The following KANSL1 variants were observed in gnomAD, a reference collection of about 807,000 sequenced individuals.
The protein encoded by KANSL1 is KAT8 regulatory NSL complex subunit 1, also known as MLL1/MLL complex subunit KANSL1.
In KANSL1, 22 loss-of-function variants were observed where a neutral mutation model predicts 103.6. The ratio of observed to expected loss-of-function variants is 0.21; its 90% CI spans 0.15 to 0.30. KANSL1 has a LOEUF of 0.30. KANSL1 is among the 10% of genes least tolerant of loss of function. The pLI, the probability that KANSL1 is intolerant of heterozygous loss-of-function variation, is 1.00. For missense variants in KANSL1, 1,337 were observed against 1,399.8 expected, an observed-to-expected ratio of 0.96 and a Z score of 0.72; for synonymous variants, 600 against 527.6, an observed-to-expected ratio of 1.14 and a Z score of -1.88.
Position 46,136,835 on chromosome 17 carries a change from C to T in KANSL1, c.1289+34020G>A, listed in dbSNP as rs553257819. Among the ~76,000 whole-genome samples the T allele has an allele frequency of 9.8e-5, 15 of 152,290 alleles. No individual in the cohort carries two copies. In the South Asian group the frequency reaches 3.1e-3, roughly 32 times the overall value. ...CAAAACACAAGAGCAATTTAACTGC[C>T]ATTATGAACCAACTTATACTAAAAT... is the stretch of plus-strand genomic sequence containing the variant. On this transcript the variant is annotated intron_variant, in intron 2 of 14. Transcript: ENST00000432791.
chr17:46,039,948 T>C, intron 7 of KANSL1, 64 bp from the exon 8 acceptor site: 1 of 1,445,830 alleles, frequency 6.9e-7, no homozygotes, highest in Non-Finnish European at 9.6e-7. Context: ...GTTCAAGACC[T>C]ACACTCCATC....
chr17:46,103,651 T>C (rs1018840090), intron 2 of KANSL1, among the ~76,000 whole-genome samples: 10 of 152,194 alleles, frequency 6.6e-5, no homozygotes, highest in African/African-American at 2.4e-4. Context: ...GACAGCACTA[T>C]CTGTCCTTTA....
intron 3 of KANSL1, among the ~76,000 whole-genome samples, chr17:46,092,026 G>C (rs1423214721): frequency 6.6e-6 from 1 of 152,110 alleles, no homozygotes; most frequent in African/African-American, 2.4e-5. Context: ...CACCATGTTG[G>C]CCAGGCTAGT....
intron 1 of KANSL1, among the ~76,000 whole-genome samples, chr17:46,218,816 C>T (rs2532411): frequency 0.14 from 21,936 of 151,800 alleles, 2,138 homozygotes; most frequent in Middle Eastern, 0.22. Context: ...ACAATAAGAA[C>T]AGTAGTAGTC....
At chr17:46,101,754 C>CAAAAAAAAAAAAAAAAAAA (rs372439614) in intron 2 of KANSL1, among the ~76,000 whole-genome samples, 2 of 93,682 alleles carry the variant, frequency 2.1e-5, no homozygotes, top group Non-Finnish European at 3.7e-5. Flanking sequence ...ACTCTGTCTA[C>CAAAAAAAAAAAAAAAAAAA]AAAAAAAAAA....
At chr17:46,174,830 T>C (rs1015674334) in intron 1 of KANSL1, among the ~76,000 whole-genome samples, 1 of 152,224 alleles carries the variant, frequency 6.6e-6, no homozygotes, top group African/African-American at 2.4e-5. Flanking sequence ...TGTGCCACCA[T>C]GCCCGGCTAA....
chr17:46,144,168 G>C (rs1368504056), intron 2 of KANSL1, among the ~76,000 whole-genome samples: 1 of 152,200 alleles, frequency 6.6e-6, no homozygotes, highest in Non-Finnish European at 1.5e-5. Flanking sequence ...AGGAAGGGAA[G>C]GTATACCTTC....
intron 1 of KANSL1, among the ~76,000 whole-genome samples, chr17:46,204,282 T>A (rs1412080428): frequency 6.6e-6 from 1 of 151,798 alleles, no homozygotes; most frequent in Non-Finnish European, 1.5e-5. Flanking sequence ...CATGATAAAA[T>A]TTTTGTATCT....
At chr17:46,202,442 C>T (rs1296478629) in intron 1 of KANSL1, among the ~76,000 whole-genome samples, 1 of 152,130 alleles carries the variant, frequency 6.6e-6, no homozygotes, top group Non-Finnish European at 1.5e-5. Context: ...AGAGATATGT[C>T]CTGCTTGTAA....
intron 2 of KANSL1, among the ~76,000 whole-genome samples, chr17:46,113,636 T>TAA (rs11307173): frequency 4.5e-4 from 67 of 147,702 alleles, no homozygotes; most frequent in East Asian, 2.8e-3. Context: ...TGAGTTGGAC[T>TAA]AAAAAAAAAA....
chr17:46,181,279 C>T (rs1301555031), intron 1 of KANSL1, among the ~76,000 whole-genome samples: 3 of 152,162 alleles, frequency 2.0e-5, no homozygotes, highest in Non-Finnish European at 2.9e-5. Flanking sequence ...TTTGGTATGT[C>T]CTCTCTATAC....
intron 2 of KANSL1, among the ~76,000 whole-genome samples, chr17:46,106,461 C>T (rs1174173637): frequency 2.6e-5 from 4 of 152,270 alleles, no homozygotes; most frequent in East Asian, 3.9e-4. Flanking sequence ...GGTGCGATCT[C>T]GGCTCACTGC....
intron 2 of KANSL1, among the ~76,000 whole-genome samples, chr17:46,097,096 G>A (rs941028456): frequency 6.6e-6 from 1 of 152,210 alleles, no homozygotes; most frequent in African/African-American, 2.4e-5. Context: ...CAGGTTCACT[G>A]GAGGAGAGTC....
intron 2 of KANSL1, among the ~76,000 whole-genome samples, chr17:46,103,020 T>G (rs2042386085): frequency 6.6e-6 from 1 of 152,144 alleles, no homozygotes. Context: ...AGACATTAGG[T>G]GGAACTGTGG....
intron 4 of KANSL1, among the ~76,000 whole-genome samples, chr17:46,075,748 GATAA>G (rs1209551682): frequency 6.6e-6 from 1 of 152,190 alleles, no homozygotes; most frequent in Non-Finnish European, 1.5e-5. Flanking sequence ...ACTCACTTAA[GATAA>G]ATATAGAATC....
chr17:46,191,234 A>G (rs1427940867), intron 1 of KANSL1, among the ~76,000 whole-genome samples: 1 of 152,256 alleles, frequency 6.6e-6, no homozygotes, highest in African/African-American at 2.4e-5. Flanking sequence ...AATTTTCTAG[A>G]TCAACACCGA....
chr17:46,074,250 A>G (rs913089413), intron 4 of KANSL1, among the ~76,000 whole-genome samples: 1 of 152,208 alleles, frequency 6.6e-6, no homozygotes, highest in African/African-American at 2.4e-5. Context: ...AGAGCGCCCA[A>G]TACCCAAAGT....
At chr17:46,090,929 CTTA>C (rs68061108) in intron 3 of KANSL1, among the ~76,000 whole-genome samples, 21,649 of 151,934 alleles carry the variant, frequency 0.14, 2,104 homozygotes, top group Non-Finnish European at 0.22. Flanking sequence ...ACACTTATTT[CTTA>C]TGATAATAAA....
intron 2 of KANSL1, 55 bp from the exon 3 acceptor site, chr17:46,094,756 A>C: frequency 6.3e-7 from 1 of 1,599,494 alleles, no homozygotes; most frequent in Non-Finnish European, 8.6e-7. Flanking sequence ...TCTATACCAG[A>C]TTGGGGGGTG....
Sources: allele counts gnomAD v4.1 joint callset (sites outside exome capture counted in the v4.1 genomes callset), GRCh38; gene constraint gnomAD v4.1.1; transcripts MANE v1.5; gene names NCBI Gene and HGNC (gene_info 2026-07-23, HGNC 2026-07-21).